HEATR4: variants seen among roughly 807,000 people sequenced by gnomAD.
HEATR4 encodes the protein HEAT repeat containing 4.
Under a neutral mutation model 108.8 loss-of-function variants are expected in HEATR4, and 95 were observed. The observed-to-expected ratio is 0.87, with a 90% CI of 0.74 to 1.04. HEATR4 has a LOEUF of 1.04. Among genes scored for constraint, HEATR4 ranks in the 50% least tolerant of loss-of-function variants. HEATR4 has a pLI of 0.00. For missense variants in HEATR4, 1,152 were observed against 1,253.8 expected, an observed-to-expected ratio of 0.92 and a Z score of 1.23; for synonymous variants, 443 against 459.4, an observed-to-expected ratio of 0.96 and a Z score of 0.46.
chr14:73,518,412 GAA>G (rs796658758), intron 5 of HEATR4, among the ~76,000 whole-genome samples: 1 of 108,804 alleles, frequency 9.2e-6, no homozygotes, highest in African/African-American at 3.4e-5. Context: ...TCCAAAAAAA[GAA>G]AAAAAAAAAA....
At chr14:73,556,817 T>C (rs1467717790) in intron 1 of HEATR4, among the ~76,000 whole-genome samples, 1 of 114,600 alleles carries the variant, frequency 8.7e-6, no homozygotes, top group African/African-American at 2.8e-5. Flanking sequence ...GTTTAGAGGA[T>C]GGACTGTTGT....
At chr14:73,621,888 C>T in the HEATR4 span, among the ~76,000 whole-genome samples, 1 of 151,252 alleles carries the variant, frequency 6.6e-6, no homozygotes, top group Non-Finnish European at 1.5e-5. Flanking sequence ...CTCAACTTCC[C>T]AAGTGACTGG....
At chr14:73,590,442 AG>A in the HEATR4 span, among the ~76,000 whole-genome samples, 1 of 152,266 alleles carries the variant, frequency 6.6e-6, no homozygotes, top group African/African-American at 2.4e-5. Flanking sequence ...CGGGGTTCGC[AG>A]GTGGAGCTGC....
At chr14:73,608,405 A>G in the HEATR4 span, among the ~76,000 whole-genome samples, 1 of 152,202 alleles carries the variant, frequency 6.6e-6, no homozygotes, top group African/African-American at 2.4e-5. Flanking sequence ...CTCTTTGCAT[A>G]GCAAGAGTGA....
In HEATR4 at chr14:73,506,388, A is replaced by G. The variant is rs895155592; in HGVS notation, c.1986+79T>C. 42 of 939,192 alleles carry G rather than the reference A, an allele frequency of 4.5e-5. No homozygotes were observed. In the Admixed American group the frequency reaches 5.8e-4, roughly 13 times the overall value. 58.2% of individuals were successfully genotyped at this position (939,192 alleles called of 1,614,324 possible). On this transcript the variant is annotated intron_variant, in intron 10 of 17. Coordinates refer to ENST00000553558, the MANE Select transcript of HEATR4 (RefSeq NM_001220484.1). ...CTGTTTGGTAAGAATGGAATAATAC[A>G]TAGCAGCAAAAAGTAGAAGGCCTCT...
At chr14:73,592,415 A>G in the HEATR4 span, 10 of 1,516,036 alleles carry the variant, frequency 6.6e-6, no homozygotes, top group Non-Finnish European at 7.9e-6. Context: ...TCCTGCCGCC[A>G]GGTGAGCCAG....
chr14:73,574,387 C>A, the HEATR4 span: 1 of 192,118 alleles, frequency 5.2e-6, no homozygotes. Context: ...GCCTCAGCCT[C>A]CCACGTAGCT....
intron 1 of HEATR4, chr14:73,538,006 C>A (rs1204363320): frequency 1.3e-6 from 1 of 781,442 alleles, no homozygotes. Context: ...TCCTCCCGCC[C>A]CACCACCACC....
chr14:73,611,161 C>T, the HEATR4 span: 1 of 152,176 alleles, frequency 6.6e-6, no homozygotes, highest in African/African-American at 2.4e-5. Flanking sequence ...AGTCTAATAC[C>T]TTTTTGTTCA....
At chr14:73,514,884 C>T (rs986929537) in intron 5 of HEATR4, among the ~76,000 whole-genome samples, 7 of 151,950 alleles carry the variant, frequency 4.6e-5, no homozygotes, top group East Asian at 1.9e-4. Flanking sequence ...CTGGCTAACA[C>T]GGTGAAAACC....
chr14:73,497,764 T>C (rs942590369), intron 14 of HEATR4, among the ~76,000 whole-genome samples: 22 of 152,142 alleles, frequency 1.4e-4, no homozygotes, highest in Admixed American at 1.1e-3. Flanking sequence ...GTAGCTGGGA[T>C]TACAGGCATG....
rs894484659 is a variant in HEATR4 at position 73,527,127 on chromosome 14, T to C, written c.-73+3039A>G. ...ACATCAGCTGCAGAGACCGTAGGCT[T>C]AAGTCACAGCACTTAATCCCCTTTG... is the stretch of plus-strand genomic sequence containing the variant. On this transcript the variant is annotated intron_variant, in intron 2 of 17. Coordinates refer to ENST00000553558, the MANE Select transcript of HEATR4 (RefSeq NM_001220484.1). The C allele has an allele frequency of 1.5e-4, 23 of 152,196 alleles. 1 individual carries two copies. The highest frequency in any genetic ancestry group is 1.5e-3 in the Admixed American group (23 of 15,280). The allele number at this position is 152,196 out of a possible 1,614,324, so 9.4% of individuals were successfully genotyped here. A position where few individuals can be genotyped will look rare whatever the true frequency, so the allele number is the denominator to read the frequency against.
intron 5 of HEATR4, among the ~76,000 whole-genome samples, chr14:73,518,011 A>G (rs969955945): frequency 1.3e-5 from 2 of 152,080 alleles, no homozygotes; most frequent in Non-Finnish European, 2.9e-5. Context: ...ACTTGAACCC[A>G]GGAGGCGGAG....
intron 17 of HEATR4, chr14:73,491,394 C>A: frequency 1.5e-6 from 2 of 1,349,034 alleles, no homozygotes; most frequent in Non-Finnish European, 1.9e-6. Flanking sequence ...GTGCCCGCTT[C>A]CGCGCCGCCC....
chr14:73,579,179 C>G, the HEATR4 span, among the ~76,000 whole-genome samples: 1 of 148,016 alleles, frequency 6.8e-6, no homozygotes, highest in Non-Finnish European at 1.5e-5. Context: ...TTGCTTTAAC[C>G]CAGGAGGCAG....
chr14:73,569,849 G>T, the HEATR4 span: 3 of 1,605,094 alleles, frequency 1.9e-6, no homozygotes, highest in Non-Finnish European at 1.7e-6. Flanking sequence ...CGGTGCGCGT[G>T]GGCCGGGTGC....
the HEATR4 span, chr14:73,612,968 G>T: frequency 8.3e-7 from 1 of 1,197,906 alleles, no homozygotes. Flanking sequence ...TCTCCGGCCG[G>T]GGGTGCGGCG....
chr14:73,534,696 A>G lies in HEATR4; in HGVS notation c.-151-4452T>C, dbSNP rs1431057913. Among the ~76,000 whole-genome samples, 2 of 114,744 alleles carry G rather than the reference A, an allele frequency of 1.7e-5. 1 individual carries two copies. Among genetic ancestry groups the G allele is most frequent in the Non-Finnish European group, 3.8e-5 (2 of 52,690 alleles). 75.3% of individuals were successfully genotyped at this position (114,744 alleles called of 152,430 possible). A position where few individuals can be genotyped will look rare whatever the true frequency, so the allele number is the denominator to read the frequency against. On this transcript the variant is annotated intron_variant, in intron 1 of 17. Transcript: ENST00000553558. Reference sequence around the variant, plus strand: ...ACAGTGAGACACCCCGTCTTAAAAAACAAACAAGCAAATAAACAAATACTA... The same window carrying G: ...ACAGTGAGACACCCCGTCTTAAAAAGCAAACAAGCAAATAAACAAATACTA...
intron 1 of HEATR4, among the ~76,000 whole-genome samples, chr14:73,555,581 C>A (rs57689080): frequency 0.035 from 4,046 of 114,956 alleles, 1,027 homozygotes; most frequent in African/African-American, 0.11. Flanking sequence ...CTTGCATATT[C>A]TTCTAAAACA....
Sources: gnomAD v4.1 joint callset for allele counts (sites outside exome capture counted in the v4.1 genomes callset) on GRCh38, gnomAD v4.1.1 for gene constraint, MANE v1.5 for transcripts, NCBI Gene and HGNC (gene_info 2026-07-23, HGNC 2026-07-21) for gene names.